RERE: variants seen among roughly 807,000 people sequenced by gnomAD.
RERE encodes the protein arginine-glutamic acid dipeptide repeats, also known as arginine-glutamic acid dipeptide repeats protein.
A neutral mutation model predicts 146.1 loss-of-function variants in RERE; 40 were observed. That is an observed-to-expected ratio of 0.27 (90% confidence interval 0.21 to 0.36). The LOEUF is 0.36. Ranked by LOEUF, RERE falls within the 10% of genes least tolerant of loss-of-function variation. RERE has a pLI of 1.00. For synonymous variants in RERE, 1,003 were observed against 866.0 expected, an observed-to-expected ratio of 1.16 and a Z score of -2.78; for missense variants, 1,933 against 2,138.7, an observed-to-expected ratio of 0.90 and a Z score of 1.90.
intron 1 of RERE, among the ~76,000 whole-genome samples, chr1:8,770,945 A>C (rs776725279): frequency 2.0e-5 from 3 of 152,200 alleles, no homozygotes; most frequent in Non-Finnish European, 2.9e-5. Context: ...AATACCTGTA[A>C]TTATTAAAAA....
intron 1 of RERE, among the ~76,000 whole-genome samples, chr1:8,802,976 A>G (rs1337019003): frequency 1.3e-5 from 2 of 152,170 alleles, no homozygotes; most frequent in African/African-American, 4.8e-5. Flanking sequence ...GGCAATAACT[A>G]TGGGTTCTAA....
At chr1:8,540,406 C>T (rs1340392838) in intron 7 of RERE, among the ~76,000 whole-genome samples, 1 of 152,198 alleles carries the variant, frequency 6.6e-6, no homozygotes, top group African/African-American at 2.4e-5. Flanking sequence ...AGCCACTGCA[C>T]CTGGCCGGGG....
chr1:8,556,629 A>T (rs555790941), intron 5 of RERE, 58 bp from the exon 6 acceptor site: 3 of 1,110,874 alleles, frequency 2.7e-6, no homozygotes, highest in Non-Finnish European at 4.1e-6. Flanking sequence ...CAAGTAAAAA[A>T]AATTTGTAAA....
intron 9 of RERE, among the ~76,000 whole-genome samples, chr1:8,497,021 G>A (rs1417286762): frequency 6.6e-6 from 1 of 152,068 alleles, no homozygotes; most frequent in African/African-American, 2.4e-5. Context: ...TTAGCTATTT[G>A]TCCTAATGCT....
chr1:8,357,574 C>A (rs1284439579), intron 20 of RERE, among the ~76,000 whole-genome samples: 1 of 152,188 alleles, frequency 6.6e-6, no homozygotes, highest in African/African-American at 2.4e-5. Context: ...CAGTAGCCAC[C>A]CCCTGCGCCA....
intron 6 of RERE, among the ~76,000 whole-genome samples, chr1:8,547,602 G>A (rs1352614170): frequency 6.6e-6 from 1 of 152,012 alleles, no homozygotes; most frequent in African/African-American, 2.4e-5. Flanking sequence ...ACAAAAAAGA[G>A]ACAAAAATAT....
intron 4 of RERE, among the ~76,000 whole-genome samples, chr1:8,557,904 G>A (rs1646026175): frequency 6.6e-6 from 1 of 152,038 alleles, no homozygotes; most frequent in Non-Finnish European, 1.5e-5. Flanking sequence ...AATATTTAGA[G>A]TCAGTGTTAG....
intron 7 of RERE, among the ~76,000 whole-genome samples, chr1:8,509,369 T>C (rs1271303408): frequency 2.0e-5 from 3 of 151,994 alleles, no homozygotes; most frequent in Non-Finnish European, 4.4e-5. Context: ...AAAATACAAA[T>C]AAGAAAACTT....
At chr1:8,437,690 C>A (rs949102110) in intron 11 of RERE, among the ~76,000 whole-genome samples, 7 of 152,166 alleles carry the variant, frequency 4.6e-5, no homozygotes, top group Non-Finnish European at 1.0e-4. Flanking sequence ...ATTACACACA[C>A]AAACAGATTA....
At chr1:8,456,069 A>G (rs1644449738) in intron 11 of RERE, among the ~76,000 whole-genome samples, 3 of 152,190 alleles carry the variant, frequency 2.0e-5, no homozygotes, top group Admixed American at 2.0e-4. Context: ...GGCCTAGAGC[A>G]AGCAAATGCC....
At chr1:8,445,925 T>C (rs917726958) in intron 11 of RERE, among the ~76,000 whole-genome samples, 1 of 151,630 alleles carries the variant, frequency 6.6e-6, no homozygotes, top group African/African-American at 2.4e-5. Context: ...CATGTGGTGT[T>C]TGGTTTTCTG....
At chr1:8,721,652 C>T (rs974924327) in intron 1 of RERE, among the ~76,000 whole-genome samples, 2 of 152,130 alleles carry the variant, frequency 1.3e-5, no homozygotes, top group African/African-American at 4.8e-5. Flanking sequence ...AAGTGAGGCA[C>T]CTGACCAGGA....
At chr1:8,726,160 T>TTTTTTTTTTTTTTTTTTTTTTTTTTTTCA (rs1557505617) in intron 1 of RERE, among the ~76,000 whole-genome samples, 1 of 129,684 alleles carries the variant, frequency 7.7e-6, no homozygotes, top group African/African-American at 2.8e-5. Context: ...TTTTTTTTTT[T>TTTTTTTTTTTTTTTTTTTTTTTTTTTTCA]TTTTTTTTTT....
intron 12 of RERE, among the ~76,000 whole-genome samples, chr1:8,417,296 C>T (rs1643803717): frequency 2.6e-5 from 4 of 152,268 alleles, no homozygotes; most frequent in East Asian, 3.9e-4. Context: ...GGAATATGGT[C>T]TATGCAAATG....
At chr1:8,446,653 A>C (rs1244784145) in intron 11 of RERE, among the ~76,000 whole-genome samples, 1 of 151,984 alleles carries the variant, frequency 6.6e-6, no homozygotes, top group Non-Finnish European at 1.5e-5. Flanking sequence ...TCATAGTCCC[A>C]TATTTCTTGG....
rs1189229034 is a variant in RERE, at chr1:8,358,492, G to C, written c.4043C>G (p.Ala1348Gly). The C allele has an allele frequency of 6.3e-7, 1 of 1,587,464 alleles. No homozygotes were observed. Among genetic ancestry groups the C allele is most frequent in the East Asian group, 2.2e-5 (1 of 44,568 alleles). ...HPAANPMEHF[A>G]RHSALTIPPT... ...GGGGATGGTGAGGGCGCTGTGCCGG[G>C]CAAAGTGCTCCATGGGGTTGGCGGC... The change falls in exon 20 of 23, where the codon GCC becomes GGC. Residue 1348 changes from alanine (A) to glycine (G), a missense_variant. Physicochemically the swap from Ala to Gly is moderately conservative, Grantham distance 60. Transcript: ENST00000400908.
chr1:8,462,580 A>G (rs1402115440), intron 11 of RERE, among the ~76,000 whole-genome samples: 1 of 152,268 alleles, frequency 6.6e-6, no homozygotes, highest in Non-Finnish European at 1.5e-5. Context: ...TCCGCTGCAC[A>G]GCAGGGAACT....
chr1:8,804,620 A>G (rs919233690), intron 1 of RERE, among the ~76,000 whole-genome samples: 1 of 152,212 alleles, frequency 6.6e-6, no homozygotes, highest in Non-Finnish European at 1.5e-5. Context: ...TCGAAGGGAC[A>G]CAGCAGAAGC....
intron 2 of RERE, among the ~76,000 whole-genome samples, chr1:8,641,793 C>G (rs1273633190): frequency 7.9e-5 from 12 of 152,152 alleles, no homozygotes; most frequent in Non-Finnish European, 1.5e-5. Context: ...TTTATCATGG[C>G]GACACCTTAA....
Sources: allele counts gnomAD v4.1 joint callset (sites outside exome capture counted in the v4.1 genomes callset), GRCh38; gene constraint gnomAD v4.1.1; transcripts MANE v1.5; gene names NCBI Gene and HGNC (gene_info 2026-07-23, HGNC 2026-07-21).